Variants in AIM2 observed in about 807,000 individuals in gnomAD.
AIM2 encodes absent in melanoma 2, also known as interferon-inducible protein AIM2.
Under a neutral mutation model 27.7 loss-of-function variants are expected in AIM2, and 30 were observed. That is an observed-to-expected ratio of 1.08 (90% CI 0.81 to 1.47). The LOEUF (loss-of-function observed/expected upper bound fraction) is 1.47. Among genes scored for constraint, AIM2 ranks in the 40% most tolerant of loss-of-function variants. The probability of loss-of-function intolerance (pLI) is 0.00; values close to 1 mark genes in which losing one functional copy is unlikely to be tolerated. For synonymous variants in AIM2, 141 were observed against 145.3 expected (o/e 0.97, Z 0.21); for missense variants, 358 against 411.3 (o/e 0.87, Z 1.12).
rs961175212 is a variant in AIM2, at chr1:159,064,135, T to C, written c.817-461A>G. Among the ~76,000 whole-genome samples the C allele has an allele frequency of 1.4e-4, 21 of 152,346 alleles. 2 individuals are homozygous for C. The highest frequency in any genetic ancestry group is 3.4e-3 in the Middle Eastern group (1 of 294). ...TAAGTTTTTGGGGAGTCAAAAATTA[T>C]ATGCAGATTATCAACTGCTCAGGGT... On this transcript the variant is annotated intron_variant, in intron 4 of 5. Coordinates refer to ENST00000368130, the MANE Select transcript of AIM2 (RefSeq NM_004833.3).
chr1:159,097,562 G>T (rs1032475476), intron 1 of AIM2, among the ~76,000 whole-genome samples: 5 of 152,172 alleles, frequency 3.3e-5, no homozygotes, highest in African/African-American at 1.2e-4. Context: ...GGCAATCCAA[G>T]TGAGAATGGA....
chr1:159,064,578 G>A (rs934947002), intron 4 of AIM2, among the ~76,000 whole-genome samples: 2 of 152,230 alleles, frequency 1.3e-5, no homozygotes, highest in Non-Finnish European at 2.9e-5. Context: ...CGATTCTCTT[G>A]CCTCAGCCTC....
At chr1:159,142,755 G>C (rs1314692317), upstream of AIM2, among the ~76,000 whole-genome samples, 1 of 152,096 alleles carries the variant, frequency 6.6e-6, no homozygotes, top group African/African-American at 2.4e-5. Flanking sequence ...AATCACCGTT[G>C]TTTATAATTT....
chr1:159,098,681 T>C (rs936952590), intron 1 of AIM2, among the ~76,000 whole-genome samples: 2 of 152,162 alleles, frequency 1.3e-5, no homozygotes, highest in Admixed American at 6.6e-5. Flanking sequence ...TGGTAAGAGA[T>C]AGGGATTAGA....
chr1:159,102,594 G>A (rs1007932620), intron 1 of AIM2, among the ~76,000 whole-genome samples: 3 of 152,326 alleles, frequency 2.0e-5, no homozygotes, highest in African/African-American at 7.2e-5. Flanking sequence ...AAGCCACAAG[G>A]GCAGAGCTGC....
At chr1:159,112,041 CA>C (rs1230120261) in intron 1 of AIM2, among the ~76,000 whole-genome samples, 1 of 151,488 alleles carries the variant, frequency 6.6e-6, no homozygotes, top group African/African-American at 2.4e-5. Flanking sequence ...GACTCTGACT[CA>C]AAAAATAAAG....
intron 1 of AIM2, among the ~76,000 whole-genome samples, chr1:159,136,373 T>C (rs1297105325): frequency 6.6e-6 from 1 of 152,210 alleles, no homozygotes; most frequent in African/African-American, 2.4e-5. Flanking sequence ...GCTTACCCTA[T>C]TTAATTCTAG....
chr1:159,096,658 A>G (rs1290835745), intron 1 of AIM2, among the ~76,000 whole-genome samples: 1 of 152,092 alleles, frequency 6.6e-6, no homozygotes, highest in Admixed American at 6.5e-5. Context: ...ATGATCATAG[A>G]CAGAATTGCA....
In AIM2 at chr1:159,065,958, T is replaced by C; in HGVS notation, c.768A>G (p.Gln256=). 1 of 1,614,146 alleles carries C rather than the reference T, an allele frequency of 6.2e-7. No homozygotes were observed. The highest frequency in any genetic ancestry group is 1.1e-5 in the South Asian group (1 of 91,066). ...AGETPKINTL[Q]TQPLGTIVNG... ...TCACAATTGTTCCAAGGGGCTGAGTTTGAAGCGTGTTGATCTTCGGGGTTT... is the reference window on the plus strand; with the variant it reads ...TCACAATTGTTCCAAGGGGCTGAGTCTGAAGCGTGTTGATCTTCGGGGTTT... The change falls in exon 4 of 6, where the codon CAA becomes CAG. Residue 256 remains glutamine (Q), a synonymous_variant. Transcript: ENST00000368130.
intron 1 of AIM2, among the ~76,000 whole-genome samples, chr1:159,134,650 G>A (rs1647980880): frequency 6.6e-6 from 1 of 152,166 alleles, no homozygotes; most frequent in African/African-American, 2.4e-5. Context: ...TGGACAACAG[G>A]GTGAAACCCG....
the AIM2 span, among the ~76,000 whole-genome samples, chr1:159,055,890 T>G: frequency 6.6e-6 from 1 of 152,222 alleles, no homozygotes; most frequent in Non-Finnish European, 1.5e-5. Flanking sequence ...AAACACGGAA[T>G]AGAAAGGCAA....
upstream of AIM2, among the ~76,000 whole-genome samples, chr1:159,078,629 G>A (rs559245325): frequency 6.6e-6 from 1 of 152,324 alleles, no homozygotes; most frequent in East Asian, 1.9e-4. Flanking sequence ...ACCTGGGGCA[G>A]AGAGACAAGT....
chr1:159,133,550 T>A (rs897297561), intron 1 of AIM2, among the ~76,000 whole-genome samples: 2 of 152,200 alleles, frequency 1.3e-5, no homozygotes, highest in African/African-American at 4.8e-5. Context: ...ACTCCCTCCA[T>A]CTGCTTTTTT....
At chr1:159,076,014 A>G (rs1255437823) in intron 1 of AIM2, among the ~76,000 whole-genome samples, 1 of 152,222 alleles carries the variant, frequency 6.6e-6, no homozygotes, top group Non-Finnish European at 1.5e-5. Flanking sequence ...TGTAGAGTTC[A>G]TGAGTGAAAA....
chr1:159,112,948 T>TAC (rs1657608120), intron 1 of AIM2, among the ~76,000 whole-genome samples: 1 of 150,390 alleles, frequency 6.6e-6, no homozygotes, highest in Non-Finnish European at 1.5e-5. Flanking sequence ...TATATATATA[T>TAC]ATAATTTTTT....
chr1:159,107,956 C>T (rs1254425267), intron 1 of AIM2, among the ~76,000 whole-genome samples: 5 of 152,108 alleles, frequency 3.3e-5, no homozygotes, highest in Admixed American at 3.3e-4. Flanking sequence ...AGATGCACAG[C>T]AGAATTCTAC....
Position 159,075,375 on chromosome 1 carries a change from TTAAA to T in AIM2, c.-21+1254_-21+1257del, listed in dbSNP as rs753633794. ...ATACATTGAAGTAGAAGGAGGTTCCTTAAATAAGGCACAAAAAGGACAAGCCAGA... is the reference window on the plus strand; with the variant it reads ...ATACATTGAAGTAGAAGGAGGTTCCTTAAGGCACAAAAAGGACAAGCCAGA... On this transcript the variant is annotated intron_variant, in intron 1 of 5. Transcript: ENST00000368130. 1.2e-4 allele frequency among the ~76,000 whole-genome samples: 18 copies of T among 151,930 alleles called. No individual in the cohort carries two copies. The East Asian group carries it at 2.7e-3, about 23-fold the overall frequency.
At chr1:159,096,837 A>G (rs1657191760) in intron 1 of AIM2, among the ~76,000 whole-genome samples, 1 of 152,084 alleles carries the variant, frequency 6.6e-6, no homozygotes, top group Non-Finnish European at 1.5e-5. Flanking sequence ...AGGGTGAAGG[A>G]TGATGGGGGG....
intron 1 of AIM2, among the ~76,000 whole-genome samples, chr1:159,111,655 C>A (rs533719565): frequency 1.1e-3 from 174 of 151,676 alleles, no homozygotes; most frequent in African/African-American, 4.0e-3. Flanking sequence ...AAGATGAAAG[C>A]AAACATAGAA....
Sources: gnomAD v4.1 joint callset for allele counts (sites outside exome capture counted in the v4.1 genomes callset) on GRCh38, gnomAD v4.1.1 for gene constraint, MANE v1.5 for transcripts, NCBI Gene and HGNC (gene_info 2026-07-23, HGNC 2026-07-21) for gene names.